CENPP: variants seen among roughly 807,000 people sequenced by gnomAD.
CENPP encodes the protein centromere protein P.
Under a neutral mutation model 35.6 loss-of-function variants are expected in CENPP, and 24 were observed. The ratio of observed to expected loss-of-function variants is 0.67; its 90% CI spans 0.49 to 0.95. CENPP has a LOEUF of 0.95. Ranked by LOEUF, CENPP falls within the 40% of genes least tolerant of loss-of-function variation. CENPP has a pLI of 0.00. For synonymous variants in CENPP, 120 were observed against 125.5 expected, an observed-to-expected ratio of 0.96 and a Z score of 0.29; for missense variants, 332 against 345.3, an observed-to-expected ratio of 0.96 and a Z score of 0.31.
At chr9:92,397,880 TAAAC>T (rs1417632068) in intron 5 of CENPP, among the ~76,000 whole-genome samples, 2 of 152,200 alleles carry the variant, frequency 1.3e-5, no homozygotes, top group Non-Finnish European at 2.9e-5. Context: ...CACATAGAGA[TAAAC>T]AGAGAGAAAC....
chr9:92,453,394 A>G (rs1025964833), intron 5 of CENPP, among the ~76,000 whole-genome samples: 1 of 152,122 alleles, frequency 6.6e-6, no homozygotes, highest in African/African-American at 2.4e-5. Flanking sequence ...TTCAGTTTCC[A>G]TGTAGTTGAG....
chr9:92,458,372 G>C (rs1844963731), intron 5 of CENPP, among the ~76,000 whole-genome samples: 1 of 152,170 alleles, frequency 6.6e-6, no homozygotes, highest in African/African-American at 2.4e-5. Context: ...CTCCCTGGCT[G>C]TTGTTACCTC....
At chr9:92,391,221 C>G (rs1252695508) in intron 5 of CENPP, among the ~76,000 whole-genome samples, 1 of 151,406 alleles carries the variant, frequency 6.6e-6, no homozygotes, top group East Asian at 1.9e-4. Flanking sequence ...ACGGTGAAAC[C>G]CCATCTCTAC....
intron 3 of CENPP, among the ~76,000 whole-genome samples, chr9:92,342,528 G>C (rs955730151): frequency 2.0e-5 from 3 of 152,192 alleles, no homozygotes; most frequent in African/African-American, 7.2e-5. Flanking sequence ...GAAAGAGTGT[G>C]TTCTCCCTGG....
At position 92,536,158 on chromosome 9, in the gene CENPP, G is replaced by T. The variant is rs998551963; in HGVS notation, c.565-75156G>T. The T allele has an allele frequency of 2.5e-4, 96 of 378,424 alleles. 1 individual carries two copies. Among genetic ancestry groups the T allele is most frequent in the Non-Finnish European group, 3.5e-5 (7 of 200,740 alleles). The allele number at this position is 378,424 out of a possible 1,614,324, so 23.4% of individuals were successfully genotyped here. A position where few individuals can be genotyped will look rare whatever the true frequency, so the allele number is the denominator to read the frequency against. ...GCCAAGAAAGTAACCAGGGAAAATG[G>T]TTACCAAGGGAAATATTTTTTTTAA... On this transcript the variant is annotated intron_variant, in intron 5 of 7. Transcript: ENST00000375587.
chr9:92,474,285 A>G (rs1005012143), intron 5 of CENPP, among the ~76,000 whole-genome samples: 1 of 152,202 alleles, frequency 6.6e-6, no homozygotes, highest in African/African-American at 2.4e-5. Context: ...ATGGAGTTTT[A>G]CTGAAAAGTA....
intron 1 of CENPP, among the ~76,000 whole-genome samples, chr9:92,328,119 G>A (rs2130769535): frequency 6.6e-6 from 1 of 152,098 alleles, no homozygotes; most frequent in East Asian, 1.9e-4. Context: ...TGTGGGGGTG[G>A]GGTAGGATTT....
intron 1 of CENPP, 30 bp downstream of exon 1, chr9:92,326,135 C>T (rs756080042): frequency 1.4e-5 from 20 of 1,437,382 alleles, no homozygotes; most frequent in Non-Finnish European, 1.9e-5. Context: ...CCCCCAGGGC[C>T]CGCTGGCCAG....
At chr9:92,375,612 A>C (rs1352377583) in intron 4 of CENPP, among the ~76,000 whole-genome samples, 1 of 152,002 alleles carries the variant, frequency 6.6e-6, no homozygotes, top group African/African-American at 2.4e-5. Context: ...ACTGATTCTT[A>C]TGCCCACTCA....
chr9:92,395,030 G>T (rs1168860723), intron 5 of CENPP, among the ~76,000 whole-genome samples: 1 of 151,546 alleles, frequency 6.6e-6, no homozygotes, highest in African/African-American at 2.4e-5. Context: ...TTTTTTTCCT[G>T]CTACAGCTTT....
chr9:92,336,435 T>C (rs1840933042), intron 2 of CENPP, among the ~76,000 whole-genome samples: 1 of 152,208 alleles, frequency 6.6e-6, no homozygotes. Context: ...AACTTACTTC[T>C]GGGTTTTCCT....
chr9:92,400,808 T>C (rs1843081502), intron 5 of CENPP, among the ~76,000 whole-genome samples: 1 of 152,234 alleles, frequency 6.6e-6, no homozygotes, highest in South Asian at 2.1e-4. Context: ...ATAATCCGTG[T>C]TTAAGTATTT....
At chr9:92,487,716 C>G (rs1367696495) in intron 5 of CENPP, among the ~76,000 whole-genome samples, 1 of 152,172 alleles carries the variant, frequency 6.6e-6, no homozygotes, top group Non-Finnish European at 1.5e-5. Flanking sequence ...GTGGCACACA[C>G]CTATAGTCCC....
intron 3 of CENPP, 24 bp from the exon 4 acceptor site, chr9:92,345,675 C>T (rs200052827): frequency 1.0e-5 from 14 of 1,352,476 alleles, no homozygotes; most frequent in Admixed American, 3.7e-5. Flanking sequence ...TGCTTTGATA[C>T]AGAAATTTTT....
chr9:92,567,899 CA>C (rs577276117), intron 5 of CENPP, among the ~76,000 whole-genome samples: 1 of 150,640 alleles, frequency 6.6e-6, no homozygotes, highest in Admixed American at 6.6e-5. Flanking sequence ...TACAAAAAGC[CA>C]AAAAAACACA....
intron 5 of CENPP, among the ~76,000 whole-genome samples, chr9:92,552,165 TATGTGATATGATAGATCTATCATATAC>T (rs1849626864): frequency 7.6e-6 from 1 of 130,788 alleles, no homozygotes; most frequent in African/African-American, 3.2e-5. Flanking sequence ...CTATCATATA[TATGTGATATGATAGATCTATCATATAC>T]ACACACACAC....
intron 5 of CENPP, among the ~76,000 whole-genome samples, chr9:92,434,258 G>A (rs986236585): frequency 6.6e-6 from 1 of 151,804 alleles, no homozygotes; most frequent in Non-Finnish European, 1.5e-5. Context: ...GTGTGGTGGT[G>A]CACACCTGTA....
chr9:92,550,701 G>T (rs1849570159), intron 5 of CENPP, among the ~76,000 whole-genome samples: 1 of 152,134 alleles, frequency 6.6e-6, no homozygotes, highest in African/African-American at 2.4e-5. Flanking sequence ...TATTCTAAAT[G>T]TGTAAAAGTT....
chr9:92,559,096 G>A (rs1282351797), intron 5 of CENPP, among the ~76,000 whole-genome samples: 1 of 152,192 alleles, frequency 6.6e-6, no homozygotes, highest in Non-Finnish European at 1.5e-5. Context: ...CGCCTCTGAA[G>A]TCTGCACACT....
Sources: gnomAD v4.1 joint callset for allele counts (sites outside exome capture counted in the v4.1 genomes callset) on GRCh38, gnomAD v4.1.1 for gene constraint, MANE v1.5 for transcripts, NCBI Gene and HGNC (gene_info 2026-07-23, HGNC 2026-07-21) for gene names.